The following CDC14A variants were observed in gnomAD, a reference collection of about 807,000 sequenced individuals.
CDC14A encodes the protein dual specificity protein phosphatase CDC14A.
In CDC14A, 53 loss-of-function variants were observed where a neutral mutation model predicts 74.4. The observed-to-expected ratio is 0.71, with a 90% CI of 0.57 to 0.89. The LOEUF is 0.89. CDC14A is among the 40% of genes least tolerant of loss of function. The pLI is 0.00. For synonymous variants in CDC14A, 247 were observed against 258.4 expected, an observed-to-expected ratio of 0.96 and a Z score of 0.43; for missense variants, 646 against 713.7, an observed-to-expected ratio of 0.91 and a Z score of 1.08.
chr1:100,376,157 TG>T (rs1479636398), intron 2 of CDC14A, among the ~76,000 whole-genome samples: 5 of 149,282 alleles, frequency 3.3e-5, no homozygotes, highest in African/African-American at 5.0e-5. Flanking sequence ...TGTCATGGGG[TG>T]GGGGGATGGG....
chr1:100,372,816 A>G (rs1040260114), intron 2 of CDC14A, among the ~76,000 whole-genome samples: 1 of 152,138 alleles, frequency 6.6e-6, no homozygotes, highest in African/African-American at 2.4e-5. Context: ...CTAACTTCAT[A>G]CTTTTATTCT....
chr1:100,393,332 T>C (rs1328189921), intron 4 of CDC14A: 25 of 1,015,654 alleles, frequency 2.5e-5, no homozygotes, highest in Admixed American at 6.8e-5. Context: ...GTGACATTAG[T>C]TTCAGATTCT....
intron 10 of CDC14A, among the ~76,000 whole-genome samples, chr1:100,480,433 G>A (rs2101337505): frequency 6.6e-6 from 1 of 152,208 alleles, no homozygotes; most frequent in African/African-American, 2.4e-5. Context: ...TGGTTATTGT[G>A]AATAATGCAA....
chr1:100,420,956 G>A (rs1662293166), intron 4 of CDC14A, among the ~76,000 whole-genome samples: 3 of 152,182 alleles, frequency 2.0e-5, no homozygotes, highest in Non-Finnish European at 2.9e-5. Flanking sequence ...ACAGAAAAAA[G>A]TCACTTTAAT....
chr1:100,396,875 T>G (rs545499359), intron 4 of CDC14A, among the ~76,000 whole-genome samples: 10 of 152,170 alleles, frequency 6.6e-5, no homozygotes, highest in Non-Finnish European at 1.5e-4. Flanking sequence ...TTCTATTTCC[T>G]TATATCTAAG....
upstream of CDC14A, chr1:100,351,764 A>G: frequency 6.4e-7 from 1 of 1,550,596 alleles, no homozygotes; most frequent in Non-Finnish European, 8.7e-7. Flanking sequence ...CAGATGGGAA[A>G]CTTTTTGTCC....
intron 7 of CDC14A, among the ~76,000 whole-genome samples, chr1:100,450,814 A>T (rs55983805): frequency 0.27 from 41,696 of 151,858 alleles, 7,677 homozygotes; most frequent in African/African-American, 0.52. Flanking sequence ...TTCCTTCTTT[A>T]ATCTCCAAAC....
At chr1:100,420,045 CACACACACACACACA>C (rs1662096270) in intron 4 of CDC14A, among the ~76,000 whole-genome samples, 1 of 14,710 alleles carries the variant, frequency 6.8e-5, no homozygotes, top group African/African-American at 8.8e-4. Context: ...CACACACACA[CACACACACACACACA>C]CACATATATA....
intron 4 of CDC14A, among the ~76,000 whole-genome samples, chr1:100,402,392 T>C (rs1428215447): frequency 1.3e-5 from 2 of 152,234 alleles, no homozygotes; most frequent in Non-Finnish European, 1.5e-5. Context: ...AGATGTTTAC[T>C]AGAATATATA....
chr1:100,505,035 A>G (rs1425084786), intron 15 of CDC14A: 3 of 1,139,842 alleles, frequency 2.6e-6, no homozygotes, highest in South Asian at 4.1e-5. Flanking sequence ...CTGTGTATGT[A>G]AGAATTGTCT....
chr1:100,355,851 A>G (rs1216610206), intron 2 of CDC14A, among the ~76,000 whole-genome samples: 1 of 152,190 alleles, frequency 6.6e-6, no homozygotes, highest in Non-Finnish European at 1.5e-5. Flanking sequence ...AGTTTGAGGT[A>G]TAGGAAAGAT....
intron 8 of CDC14A, among the ~76,000 whole-genome samples, chr1:100,457,814 C>CT (rs1405316415): frequency 5.9e-5 from 9 of 152,020 alleles, no homozygotes; most frequent in South Asian, 2.1e-4. Flanking sequence ...TATTCTTACT[C>CT]TTTTTTTCCT....
intron 4 of CDC14A, among the ~76,000 whole-genome samples, chr1:100,405,310 A>G (rs1312657346): frequency 6.6e-6 from 1 of 152,230 alleles, no homozygotes; most frequent in South Asian, 2.1e-4. Context: ...AGCTCCTTGT[A>G]CTTACTTGCT....
At chr1:100,493,924 T>C (rs1213347930) in intron 11 of CDC14A, among the ~76,000 whole-genome samples, 1 of 152,164 alleles carries the variant, frequency 6.6e-6, no homozygotes, top group Non-Finnish European at 1.5e-5. Flanking sequence ...TAGTTTTAAA[T>C]AGGGGAGGGG....
intron 10 of CDC14A, among the ~76,000 whole-genome samples, chr1:100,478,606 A>T (rs1669155503): frequency 6.6e-6 from 1 of 152,200 alleles, no homozygotes; most frequent in Non-Finnish European, 1.5e-5. Context: ...CTTCTGAGAC[A>T]GAGAGAACTC....
rs560473900 is a variant in CDC14A at position 100,466,592 on chromosome 1, C to T, written c.839-1364C>T. 4.6e-5 allele frequency among the ~76,000 whole-genome samples: 7 copies of T among 152,078 alleles called. No homozygotes were observed. In the East Asian group the frequency reaches 5.8e-4, roughly 13 times the overall value. On this transcript the variant is annotated intron_variant, in intron 9 of 15. Coordinates refer to ENST00000336454, the MANE Select transcript of CDC14A (RefSeq NM_003672.4). ...TACTTCTTAAAAAGGAAGGGTTAGC[C>T]GGGAGTGGTGGCCCACGCCTGTAAT... is the stretch of plus-strand genomic sequence containing the variant.
At position 100,520,042 on chromosome 1, in the gene CDC14A, T is replaced by C. The variant is rs775781620; in HGVS notation, c.*1762T>C. The C allele has an allele frequency of 2.0e-5, 3 of 152,520 alleles. No homozygotes were observed. The highest frequency in any genetic ancestry group is 4.4e-5 in the Non-Finnish European group (3 of 67,964). The allele number at this position is 152,520 out of a possible 1,614,324, so 9.4% of individuals were successfully genotyped here. On this transcript the variant is annotated 3_prime_UTR_variant, in exon 16 of 16. Transcript: ENST00000336454. The stretch of plus-strand genomic sequence containing the variant: ...CATAATTATGTGTGTATATGTGTCA[T>C]ATGTATGTACATGTATATGTCTAAA...
rs1651303745 is a variant in CDC14A at position 100,352,947 on chromosome 1, C to T, written c.-8C>T. On this transcript the variant is annotated 5_prime_UTR_variant, in exon 1 of 16. Transcript: ENST00000336454. The stretch of plus-strand genomic sequence containing the variant: ...ACCCAGCCCTCCCCCGTGCGTATCT[C>T]GCTTAAGATGGCAGCGGAGTCAGGG... 3 of 1,613,936 alleles carry T rather than the reference C, an allele frequency of 1.9e-6. No homozygotes were observed. In the African/African-American group the frequency reaches 4.0e-5, roughly 22 times the overall value.
At chr1:100,439,400 G>A (rs917231680) in intron 5 of CDC14A, among the ~76,000 whole-genome samples, 13 of 152,064 alleles carry the variant, frequency 8.5e-5, no homozygotes, top group African/African-American at 2.7e-4. Flanking sequence ...CCTGACAGGA[G>A]GTTATTCCTC....
Sources: gnomAD v4.1 joint callset for allele counts (sites outside exome capture counted in the v4.1 genomes callset) on GRCh38, gnomAD v4.1.1 for gene constraint, MANE v1.5 for transcripts, NCBI Gene and HGNC (gene_info 2026-07-23, HGNC 2026-07-21) for gene names.